The following HOOK3 variants were observed in gnomAD, a reference collection of about 807,000 sequenced individuals.
The protein encoded by HOOK3 is protein Hook homolog 3.
HOOK3 carries 24 observed loss-of-function variants against 116.3 expected under a neutral mutation model. That is an observed-to-expected ratio of 0.21 (90% confidence interval 0.15 to 0.29). The LOEUF is 0.29. Among genes scored for constraint, HOOK3 ranks in the 10% least tolerant of loss-of-function variants. The pLI, the probability that HOOK3 is intolerant of heterozygous loss-of-function variation, is 1.00. For synonymous variants in HOOK3, 275 were observed against 283.0 expected, an observed-to-expected ratio of 0.97 and a Z score of 0.28; for missense variants, 632 against 830.2, an observed-to-expected ratio of 0.76 and a Z score of 2.93.
rs1343579102 is a variant in HOOK3 at position 42,897,002 on chromosome 8, G to C, written c.-130G>C. 19 of 570,516 alleles carry C rather than the reference G, an allele frequency of 3.3e-5. No homozygotes were observed. Among genetic ancestry groups the C allele is most frequent in the Non-Finnish European group, 4.7e-5 (18 of 384,002 alleles). The allele number at this position is 570,516 out of a possible 1,614,324, so 35.3% of individuals were successfully genotyped here. A position where few individuals can be genotyped will look rare whatever the true frequency, so the allele number is the denominator to read the frequency against. On this transcript the variant is annotated 5_prime_UTR_variant, in exon 1 of 22. Coordinates refer to ENST00000307602, the MANE Select transcript of HOOK3 (RefSeq NM_032410.4). Reference sequence around the variant, plus strand: ...CGGAGCCGCTGCCAGCGCTGGGCGAGAGTCGGCGGCCGGATCCGAGGAGCA... The same window carrying C: ...CGGAGCCGCTGCCAGCGCTGGGCGACAGTCGGCGGCCGGATCCGAGGAGCA...
rs184004308 is a variant in HOOK3 at position 43,012,400 on chromosome 8, C to T, written c.1840-651C>T. On this transcript the variant is annotated intron_variant, in intron 19 of 21. Coordinates refer to ENST00000307602, the MANE Select transcript of HOOK3 (RefSeq NM_032410.4). ...ACTTTTTCAGCTCCTTATAATCTTACGGGACCACCATCATATATGTGGTTC... is the reference window on the plus strand; with the variant it reads ...ACTTTTTCAGCTCCTTATAATCTTATGGGACCACCATCATATATGTGGTTC... Among the ~76,000 whole-genome samples the T allele has an allele frequency of 6.6e-3, 1,006 of 152,258 alleles. 4 individuals are homozygous for T. Among genetic ancestry groups the T allele is most frequent in the South Asian group, 0.017 (84 of 4,828 alleles).
intron 8 of HOOK3, 79 bp downstream of exon 8, chr8:42,959,393 C>T (rs1808495155): frequency 2.1e-6 from 2 of 948,698 alleles, no homozygotes; most frequent in Admixed American, 2.0e-5. Context: ...TACTGTCATA[C>T]AGTACATCTT....
At chr8:42,962,785 G>GACT (rs1808558783) in intron 8 of HOOK3, among the ~76,000 whole-genome samples, 2 of 135,482 alleles carry the variant, frequency 1.5e-5, no homozygotes, top group South Asian at 4.8e-4. Flanking sequence ...TTTTTGGTCT[G>GACT]ACTTCTTCTT....
chr8:42,962,027 T>C (rs1395655947), intron 8 of HOOK3, among the ~76,000 whole-genome samples: 1 of 152,030 alleles, frequency 6.6e-6, no homozygotes, highest in Non-Finnish European at 1.5e-5. Flanking sequence ...GCTCCGGTGA[T>C]CTGCCCACCT....
intron 13 of HOOK3, among the ~76,000 whole-genome samples, chr8:42,977,062 A>G (rs1808844181): frequency 6.6e-6 from 1 of 152,216 alleles, no homozygotes. Flanking sequence ...GCCCTCTGGC[A>G]TAGGATAATG....
intron 2 of HOOK3, among the ~76,000 whole-genome samples, chr8:42,915,369 C>G (rs1807510443): frequency 6.6e-6 from 1 of 152,038 alleles, no homozygotes; most frequent in Non-Finnish European, 1.5e-5. Flanking sequence ...TGTCTCAAAA[C>G]AAAACAAGAC....
At chr8:42,940,365 G>C (rs562944603) in intron 4 of HOOK3, among the ~76,000 whole-genome samples, 43 of 152,336 alleles carry the variant, frequency 2.8e-4, no homozygotes, top group African/African-American at 8.4e-4. Flanking sequence ...GCCCGCAATC[G>C]CAGGCACTCG....
chr8:42,958,202 A>T (rs1371580714), intron 7 of HOOK3, among the ~76,000 whole-genome samples: 2 of 152,176 alleles, frequency 1.3e-5, no homozygotes, highest in Non-Finnish European at 2.9e-5. Context: ...TGTACATCTC[A>T]TGCAATACAT....
chr8:42,960,264 T>A (rs1372566766), intron 8 of HOOK3, among the ~76,000 whole-genome samples: 5 of 152,260 alleles, frequency 3.3e-5, no homozygotes, highest in Non-Finnish European at 7.3e-5. Context: ...GTGGCTGCTT[T>A]CAGGCTTCAA....
chr8:42,925,518 T>G (rs1807747372), intron 2 of HOOK3, 39 bp from the exon 3 acceptor site: 3 of 1,340,412 alleles, frequency 2.2e-6, no homozygotes, highest in Admixed American at 2.1e-5. Flanking sequence ...GCTTGATAGC[T>G]ACATGATTTT....
chr8:42,966,411 T>C, intron 9 of HOOK3, 62 bp from the exon 10 acceptor site: 1 of 1,559,564 alleles, frequency 6.4e-7, no homozygotes, highest in Non-Finnish European at 8.8e-7. Context: ...TCTTTTACTG[T>C]TCTAAGGAGA....
At chr8:42,976,062 G>GTGTA (rs532574715) in intron 13 of HOOK3, among the ~76,000 whole-genome samples, 7 of 150,156 alleles carry the variant, frequency 4.7e-5, no homozygotes, top group Admixed American at 1.3e-4. Flanking sequence ...GTGTGTGTGT[G>GTGTA]TATATATATG....
At chr8:42,915,724 G>A (rs540357534) in intron 2 of HOOK3, among the ~76,000 whole-genome samples, 103 of 152,260 alleles carry the variant, frequency 6.8e-4, no homozygotes, top group African/African-American at 2.4e-3. Context: ...GAGCCACCAT[G>A]CCTGGCCATA....
intron 13 of HOOK3, 62 bp from the exon 14 acceptor site, chr8:42,982,565 A>T (rs1301971739): frequency 1.8e-6 from 2 of 1,116,690 alleles, no homozygotes; most frequent in Non-Finnish European, 2.7e-6. Context: ...GTAGGGTTTC[A>T]TATCGAAAGT....
intron 3 of HOOK3, among the ~76,000 whole-genome samples, chr8:42,929,453 C>G (rs57713224): frequency 0.024 from 3,641 of 152,168 alleles, 145 homozygotes; most frequent in African/African-American, 0.083. Context: ...ATAAAATAAT[C>G]AATAGAACTA....
At chr8:42,986,912 T>G in intron 15 of HOOK3, 117 bp downstream of exon 15, 1 of 1,079,350 alleles carries the variant, frequency 9.3e-7, no homozygotes, top group Non-Finnish European at 1.4e-6. Context: ...ATCCCAGCAC[T>G]TTGGGAGGCC....
chr8:42,912,960 G>A (rs1807461203), intron 2 of HOOK3, among the ~76,000 whole-genome samples: 1 of 152,122 alleles, frequency 6.6e-6, no homozygotes, highest in African/African-American at 2.4e-5. Context: ...TGTCTGCATA[G>A]TTTTGCCTTT....
chr8:42,907,705 GAAGAAAGAA>G (rs1807338100), intron 2 of HOOK3, among the ~76,000 whole-genome samples: 2 of 145,846 alleles, frequency 1.4e-5, no homozygotes, highest in South Asian at 4.3e-4. Flanking sequence ...AGAGAAACCA[GAAGAAAGAA>G]AGTATATATA....
chr8:43,012,063 G>A (rs958052993), intron 19 of HOOK3, among the ~76,000 whole-genome samples: 8 of 152,130 alleles, frequency 5.3e-5, no homozygotes, highest in African/African-American at 9.7e-5. Context: ...CCCAAAGTAC[G>A]TATCTGATCA....
Sources: gnomAD v4.1 joint callset for allele counts (sites outside exome capture counted in the v4.1 genomes callset) on GRCh38, gnomAD v4.1.1 for gene constraint, MANE v1.5 for transcripts, NCBI Gene and HGNC (gene_info 2026-07-23, HGNC 2026-07-21) for gene names.